The following GPR141 variants were observed in gnomAD, a reference collection of about 807,000 sequenced individuals.
GPR141 encodes probable G protein-coupled receptor 141.
GPR141 carries 6 observed loss-of-function variants against 6.8 expected under a neutral mutation model. That is an observed-to-expected ratio of 0.88 (90% CI 0.48 to 1.74). GPR141 has a LOEUF of 1.74. Among genes scored for constraint, GPR141 ranks in the 40% most tolerant of loss-of-function variants. The pLI is 0.01. For synonymous variants in GPR141, 140 were observed against 142.3 expected (o/e 0.98, Z 0.11); for missense variants, 372 against 372.9 (o/e 1.00, Z 0.02).
intron 2 of GPR141, among the ~76,000 whole-genome samples, chr7:37,708,133 C>G (rs1450162191): frequency 6.6e-6 from 1 of 151,896 alleles, no homozygotes; most frequent in African/African-American, 2.4e-5. Context: ...GTCACAGCAG[C>G]CTGACAGATG....
At chr7:37,708,328 A>AC (rs1321237041) in intron 2 of GPR141, among the ~76,000 whole-genome samples, 4 of 151,456 alleles carry the variant, frequency 2.6e-5, no homozygotes, top group East Asian at 3.9e-4. Flanking sequence ...AAAAAAAAAA[A>AC]AAAAAAACGC....
intron 2 of GPR141, among the ~76,000 whole-genome samples, chr7:37,699,343 C>T (rs547201100): frequency 1.1e-3 from 165 of 152,240 alleles, no homozygotes; most frequent in Middle Eastern, 6.8e-3. Flanking sequence ...GGGTGGATCA[C>T]GAGGTCAGGA....
chr7:37,733,671 CAAAAAAAAAAAAAAAAAGAAAAAAG>C (rs1366075937), intron 2 of GPR141, among the ~76,000 whole-genome samples: 3 of 101,308 alleles, frequency 3.0e-5, no homozygotes, highest in Non-Finnish European at 5.8e-5. Flanking sequence ...AACTCCATCT[CAAAAAAAAAAAAAAAAAGAAAAAAG>C]AAAAGAAAAA....
At chr7:37,699,016 GC>G (rs964497958) in intron 2 of GPR141, among the ~76,000 whole-genome samples, 2 of 152,188 alleles carry the variant, frequency 1.3e-5, no homozygotes, top group Non-Finnish European at 2.9e-5. Flanking sequence ...AGTCTGGTGT[GC>G]TGTCACCTTA....
intron 2 of GPR141, among the ~76,000 whole-genome samples, chr7:37,717,937 TG>T (rs1359723703): frequency 1.3e-5 from 2 of 152,214 alleles, no homozygotes; most frequent in African/African-American, 4.8e-5. Flanking sequence ...TACCAGGAAG[TG>T]GATCCCCTGG....
chr7:37,689,535 TG>T (rs1809662579), intron 2 of GPR141, among the ~76,000 whole-genome samples: 1 of 152,076 alleles, frequency 6.6e-6, no homozygotes, highest in South Asian at 2.1e-4. Flanking sequence ...TTTTCTTTGA[TG>T]GGAGACTTTT....
intron 2 of GPR141, among the ~76,000 whole-genome samples, chr7:37,728,582 C>T (rs1811753664): frequency 6.6e-6 from 1 of 152,152 alleles, no homozygotes; most frequent in African/African-American, 2.4e-5. Flanking sequence ...ACAGAAACCA[C>T]TTCCATATCT....
intron 2 of GPR141, among the ~76,000 whole-genome samples, chr7:37,731,492 G>A (rs1811931406): frequency 6.6e-6 from 1 of 152,244 alleles, no homozygotes; most frequent in Non-Finnish European, 1.5e-5. Flanking sequence ...CGCCCAGGCT[G>A]GAGTGCAATG....
chr7:37,717,843 C>G (rs1328885259), intron 2 of GPR141, among the ~76,000 whole-genome samples: 1 of 152,162 alleles, frequency 6.6e-6, no homozygotes, highest in Non-Finnish European at 1.5e-5. Flanking sequence ...CTTTATACAT[C>G]TCTTGGGCAA....
intron 2 of GPR141, among the ~76,000 whole-genome samples, chr7:37,702,951 A>G (rs1361321598): frequency 6.6e-6 from 1 of 151,962 alleles, no homozygotes; most frequent in East Asian, 1.9e-4. Context: ...GTTTACCCAC[A>G]TATTTACAGT....
chr7:37,732,144 C>CTTTT (rs1176520782), intron 2 of GPR141, among the ~76,000 whole-genome samples: 10 of 127,610 alleles, frequency 7.8e-5, no homozygotes, highest in African/African-American at 1.7e-4. Context: ...TTCTCTCTCT[C>CTTTT]TTTTTTTTTT....
In GPR141 at chr7:37,740,766, G is replaced by T. The variant is rs1309905555; in HGVS notation, c.373G>T (p.Glu125Ter). ...LIFFKCKDKVEFYRKLHAVAA... is the reference protein window; with the variant it reads ...LIFFKCKDKV ...CTTCTTCAAGTGCAAAGACAAAGTG[G>T]AATTCTACAGAAAACTGCATGCTGT... Residue 125 changes from glutamate (E) to a stop codon, truncating the protein, a stop_gained, in exon 3 of 3, where the codon GAA becomes TAA. Transcript: ENST00000334425. LOFTEE classifies it low-confidence loss of function (END_TRUNC). 4 of 1,614,128 alleles carry T rather than the reference G, an allele frequency of 2.5e-6. No homozygotes were observed. The highest frequency in any genetic ancestry group is 1.7e-5 in the Admixed American group (1 of 59,996).
At chr7:37,687,197 A>C (rs1372698957) in intron 2 of GPR141, among the ~76,000 whole-genome samples, 3 of 152,110 alleles carry the variant, frequency 2.0e-5, no homozygotes. Flanking sequence ...ACTTGTGATC[A>C]ATCAAATTGT....
At chr7:37,685,659 G>A (rs1475300424) in intron 2 of GPR141, 76 bp downstream of exon 2, 1 of 151,436 alleles carries the variant, frequency 6.6e-6, no homozygotes, top group African/African-American at 2.4e-5. Context: ...ATGTTGCCCA[G>A]GTTAGTCTCA....
chr7:37,737,333 TTACTC>T (rs68151471), intron 2 of GPR141, among the ~76,000 whole-genome samples: 13,300 of 152,182 alleles, frequency 0.087, 766 homozygotes, highest in East Asian at 0.24. Context: ...ATTGGACTGT[TTACTC>T]TATTTACATT....
intron 2 of GPR141, among the ~76,000 whole-genome samples, chr7:37,697,433 C>T (rs762910164): frequency 6.6e-6 from 1 of 152,170 alleles, no homozygotes; most frequent in Admixed American, 6.5e-5. Flanking sequence ...ATTTTAAAAA[C>T]TTTAAAGCCT....
At chr7:37,703,244 G>A (rs1260882020) in intron 2 of GPR141, among the ~76,000 whole-genome samples, 1 of 152,094 alleles carries the variant, frequency 6.6e-6, no homozygotes, top group African/African-American at 2.4e-5. Context: ...GTTTGTCTGT[G>A]TAGAGGATTT....
At chr7:37,734,778 T>G (rs57993719) in intron 2 of GPR141, among the ~76,000 whole-genome samples, 2 of 152,114 alleles carry the variant, frequency 1.3e-5, no homozygotes, top group Non-Finnish European at 2.9e-5. Flanking sequence ...ACTTAAGACC[T>G]GAAGGATTAG....
intron 2 of GPR141, among the ~76,000 whole-genome samples, chr7:37,700,464 TGATGGTAGAAA>T (rs374796352): frequency 3.9e-5 from 6 of 152,236 alleles, no homozygotes; most frequent in African/African-American, 1.4e-4. Flanking sequence ...CACTGTAGCT[TGATGGTAGAAA>T]GATGAGGTAA....
Sources: gnomAD v4.1 joint callset for allele counts (sites outside exome capture counted in the v4.1 genomes callset) on GRCh38, gnomAD v4.1.1 for gene constraint, MANE v1.5 for transcripts, NCBI Gene and HGNC (gene_info 2026-07-23, HGNC 2026-07-21) for gene names.